Variants in ZMAT4 observed in about 807,000 individuals in gnomAD.
The protein encoded by ZMAT4 is zinc finger matrin-type protein 4.
In ZMAT4, 17 loss-of-function variants were observed where a neutral mutation model predicts 28.7. That is an observed-to-expected ratio of 0.59 (90% CI 0.41 to 0.89). The LOEUF (loss-of-function observed/expected upper bound fraction) is 0.89, where lower values mean the gene tolerates loss of function less well. Ranked by LOEUF, ZMAT4 falls within the 40% of genes least tolerant of loss-of-function variation. The pLI, the probability that ZMAT4 is intolerant of heterozygous loss-of-function variation, is 0.00. For missense variants in ZMAT4, 240 were observed against 283.8 expected, an observed-to-expected ratio of 0.85 and a Z score of 1.11; for synonymous variants, 117 against 109.2, an observed-to-expected ratio of 1.07 and a Z score of -0.44.
chr8:40,895,944 G>A lies in ZMAT4; in HGVS notation c.-5+1739C>T, dbSNP rs188901268. Among the ~76,000 whole-genome samples, 555 of 152,280 alleles carry A rather than the reference G, an allele frequency of 3.6e-3. 3 individuals carry two copies. Among genetic ancestry groups the A allele is most frequent in the Non-Finnish European group, 6.3e-3 (429 of 68,014 alleles). Reference sequence around the variant, plus strand: ...TAACCATGCCCACCGGCTGGGAAAAGTTCAGCTTCCGCTCCAGGCCCCCCA... The same window carrying A: ...TAACCATGCCCACCGGCTGGGAAAAATTCAGCTTCCGCTCCAGGCCCCCCA... On this transcript the variant is annotated intron_variant, in intron 1 of 6. Transcript: ENST00000297737.
chr8:40,786,929 T>A (rs1814111350), intron 2 of ZMAT4: 1 of 325,322 alleles, frequency 3.1e-6, no homozygotes, highest in Non-Finnish European at 5.9e-6. Context: ...ACAGAGTCTG[T>A]CTCTGAATAT....
intron 1 of ZMAT4, among the ~76,000 whole-genome samples, chr8:40,880,894 G>A (rs548064741): frequency 2.0e-5 from 3 of 152,170 alleles, no homozygotes; most frequent in South Asian, 2.1e-4. Flanking sequence ...CGCTTGTGCC[G>A]AGATTCACAC....
chr8:40,724,760 A>G (rs1284106655), intron 3 of ZMAT4, among the ~76,000 whole-genome samples: 1 of 152,142 alleles, frequency 6.6e-6, no homozygotes, highest in Non-Finnish European at 1.5e-5. Context: ...GATGCATAGG[A>G]CTTGGCCAAG....
At chr8:40,728,930 G>T (rs191204888) in intron 3 of ZMAT4, among the ~76,000 whole-genome samples, 18 of 152,026 alleles carry the variant, frequency 1.2e-4, no homozygotes, top group Non-Finnish European at 1.8e-4. Flanking sequence ...CATACGAATC[G>T]AATTATACAG....
intron 5 of ZMAT4, among the ~76,000 whole-genome samples, chr8:40,669,289 T>C (rs1808570461): frequency 6.6e-6 from 1 of 152,204 alleles, no homozygotes; most frequent in African/African-American, 2.4e-5. Flanking sequence ...GCTTTTTGAC[T>C]TCTTTTATGA....
intron 3 of ZMAT4, among the ~76,000 whole-genome samples, chr8:40,739,380 A>G (rs1811907620): frequency 6.6e-6 from 1 of 152,304 alleles, no homozygotes; most frequent in South Asian, 2.1e-4. Context: ...TGAAGCCTAA[A>G]GACCCCTTTT....
chr8:40,863,627 A>C (rs1817577951), intron 1 of ZMAT4, among the ~76,000 whole-genome samples: 1 of 152,214 alleles, frequency 6.6e-6, no homozygotes, highest in South Asian at 2.1e-4. Flanking sequence ...AATGTCCAGT[A>C]CTAATTGCTT....
At chr8:40,778,943 C>A (rs1813713768) in intron 2 of ZMAT4, among the ~76,000 whole-genome samples, 1 of 152,162 alleles carries the variant, frequency 6.6e-6, no homozygotes, top group Non-Finnish European at 1.5e-5. Flanking sequence ...CTCAACTCAA[C>A]CACCTGGCTA....
chr8:40,845,255 C>A (rs546762431), intron 1 of ZMAT4, among the ~76,000 whole-genome samples: 1 of 152,110 alleles, frequency 6.6e-6, no homozygotes, highest in Admixed American at 6.5e-5. Flanking sequence ...ATCAATATGG[C>A]CAAACAGCTC....
intron 5 of ZMAT4, among the ~76,000 whole-genome samples, chr8:40,611,573 C>G (rs1164746547): frequency 1.3e-5 from 2 of 152,204 alleles, no homozygotes; most frequent in African/African-American, 4.8e-5. Flanking sequence ...ATCTCCTGAC[C>G]TGGTGATCCA....
intron 2 of ZMAT4, among the ~76,000 whole-genome samples, chr8:40,821,642 C>G (rs1048718054): frequency 6.6e-6 from 1 of 152,118 alleles, no homozygotes; most frequent in African/African-American, 2.4e-5. Flanking sequence ...TTGTTTTGCT[C>G]TCCTACTTTG....
intron 6 of ZMAT4, among the ~76,000 whole-genome samples, chr8:40,559,136 T>A: frequency 6.6e-6 from 1 of 152,142 alleles, no homozygotes; most frequent in Non-Finnish European, 1.5e-5. Flanking sequence ...ACTGACTAAC[T>A]GAGTCCTCCT....
At chr8:40,842,305 T>C (rs1300527573) in intron 1 of ZMAT4, among the ~76,000 whole-genome samples, 1 of 152,230 alleles carries the variant, frequency 6.6e-6, no homozygotes, top group African/African-American at 2.4e-5. Flanking sequence ...AGGGCAGCGA[T>C]TCAAGCCCAC....
chr8:40,805,052 G>C (rs1452015563), intron 2 of ZMAT4, among the ~76,000 whole-genome samples: 4 of 150,416 alleles, frequency 2.7e-5, no homozygotes, highest in Non-Finnish European at 4.4e-5. Flanking sequence ...CTACTCATCT[G>C]ACAAAGGGCT....
intron 2 of ZMAT4, among the ~76,000 whole-genome samples, chr8:40,816,038 A>G (rs996551173): frequency 2.0e-5 from 3 of 152,096 alleles, no homozygotes; most frequent in African/African-American, 7.2e-5. Context: ...CATTTCCTCC[A>G]GCATCACAGA....
chr8:40,755,153 C>A (rs546041661), intron 3 of ZMAT4, among the ~76,000 whole-genome samples: 7 of 152,150 alleles, frequency 4.6e-5, no homozygotes, highest in Non-Finnish European at 5.9e-5. Context: ...CAAATAGCAA[C>A]AATGCAAATG....
chr8:40,872,440 C>G (rs1273649428), intron 1 of ZMAT4, among the ~76,000 whole-genome samples: 7 of 152,188 alleles, frequency 4.6e-5, no homozygotes. Context: ...CCAGTACCCC[C>G]CCCAACCCTG....
chr8:40,561,878 T>C (rs145163156), intron 6 of ZMAT4, among the ~76,000 whole-genome samples: 2 of 152,262 alleles, frequency 1.3e-5, no homozygotes, highest in African/African-American at 2.4e-5. Context: ...AGCTAAAAGA[T>C]TGGACACCCT....
At chr8:40,888,942 C>A (rs1180011773) in intron 1 of ZMAT4, among the ~76,000 whole-genome samples, 1 of 152,194 alleles carries the variant, frequency 6.6e-6, no homozygotes, top group African/African-American at 2.4e-5. Flanking sequence ...ATCTACCACT[C>A]ACTTCTAGAG....
Sources: gnomAD v4.1 joint callset for allele counts (sites outside exome capture counted in the v4.1 genomes callset) on GRCh38, gnomAD v4.1.1 for gene constraint, MANE v1.5 for transcripts, NCBI Gene and HGNC (gene_info 2026-07-23, HGNC 2026-07-21) for gene names.